SCAPER: variants seen among roughly 807,000 people sequenced by gnomAD.
SCAPER encodes S-phase cyclin A associated protein in the ER, also known as S phase cyclin A-associated protein in the endoplasmic reticulum.
Under a neutral mutation model 182.2 loss-of-function variants are expected in SCAPER, and 98 were observed. That is an observed-to-expected ratio of 0.54 (90% confidence interval 0.46 to 0.64). The LOEUF is 0.64. SCAPER is among the 30% of genes least tolerant of loss of function. The pLI is 0.00. For synonymous variants in SCAPER, 605 were observed against 564.6 expected (o/e 1.07, Z -1.01); for missense variants, 1,432 against 1,690.0 (o/e 0.85, Z 2.68).
At chr15:76,842,764 A>G (rs1296847895) in intron 4 of SCAPER, among the ~76,000 whole-genome samples, 2 of 152,158 alleles carry the variant, frequency 1.3e-5, no homozygotes, top group African/African-American at 2.4e-5. Context: ...AGATTAATAA[A>G]TTGAGGTTCA....
In SCAPER at chr15:76,494,936, G is replaced by A. The variant is rs1038938037; in HGVS notation, c.2954+9923C>T. Among the ~76,000 whole-genome samples the A allele has an allele frequency of 7.2e-5, 11 of 152,014 alleles. No individual in the cohort carries two copies. The South Asian group carries it at 1.5e-3, about 20-fold the overall frequency. Reference sequence around the variant, plus strand: ...GAAGACCAGAATAGGATGCTCAAACGTAGCTCAGCTAAACTGATGATGGAG... The same window carrying A: ...GAAGACCAGAATAGGATGCTCAAACATAGCTCAGCTAAACTGATGATGGAG... On this transcript the variant is annotated intron_variant, in intron 24 of 31. Transcript: ENST00000563290.
chr15:76,390,103 T>C (rs1470332193), intron 27 of SCAPER, among the ~76,000 whole-genome samples: 1 of 152,104 alleles, frequency 6.6e-6, no homozygotes, highest in Non-Finnish European at 1.5e-5. Context: ...ACTACAGGCA[T>C]ATGCTACTAC....
chr15:76,724,285 C>T (rs528415908), intron 17 of SCAPER, among the ~76,000 whole-genome samples: 6 of 152,182 alleles, frequency 3.9e-5, no homozygotes, highest in Non-Finnish European at 7.4e-5. Flanking sequence ...GAGTTTCTGC[C>T]GAGAGATCAG....
chr15:76,795,193 G>T, intron 8 of SCAPER, 87 bp downstream of exon 8: 1 of 1,201,882 alleles, frequency 8.3e-7, no homozygotes. Context: ...TGTACAAAAA[G>T]ATAAATAGGA....
chr15:76,463,221 A>G (rs532814026), intron 25 of SCAPER, among the ~76,000 whole-genome samples: 1 of 152,266 alleles, frequency 6.6e-6, no homozygotes, highest in East Asian at 1.9e-4. Context: ...GAGTACTGTT[A>G]CCTGTAGTGT....
chr15:76,443,923 C>T (rs531576984), intron 25 of SCAPER, among the ~76,000 whole-genome samples: 158 of 152,310 alleles, frequency 1.0e-3, no homozygotes, highest in Non-Finnish European at 1.8e-3. Flanking sequence ...AAAGCAAATG[C>T]GGACCAGTCA....
intron 21 of SCAPER, among the ~76,000 whole-genome samples, chr15:76,644,254 A>C (rs1320108074): frequency 6.6e-6 from 1 of 152,188 alleles, no homozygotes; most frequent in African/African-American, 2.4e-5. Flanking sequence ...GTGAGAATTC[A>C]GCTGTCTTTA....
chr15:76,887,812 G>T (rs2073932140), intron 1 of SCAPER, among the ~76,000 whole-genome samples: 1 of 152,212 alleles, frequency 6.6e-6, no homozygotes, highest in Admixed American at 6.5e-5. Flanking sequence ...GCTTCTCCCA[G>T]CATGGCGTTT....
intron 24 of SCAPER, among the ~76,000 whole-genome samples, chr15:76,476,065 G>A (rs2050602816): frequency 6.6e-6 from 1 of 152,176 alleles, no homozygotes; most frequent in South Asian, 2.1e-4. Flanking sequence ...AAGATTTGGA[G>A]GTTGAATGTG....
intron 23 of SCAPER, among the ~76,000 whole-genome samples, chr15:76,522,157 G>C (rs1209428334): frequency 2.0e-5 from 3 of 152,052 alleles, no homozygotes; most frequent in African/African-American, 7.2e-5. Flanking sequence ...TTTACATGGG[G>C]AATTCTATTC....
At chr15:76,766,526 C>T (rs1337596593) in intron 11 of SCAPER, among the ~76,000 whole-genome samples, 1 of 151,084 alleles carries the variant, frequency 6.6e-6, no homozygotes, top group Non-Finnish European at 1.5e-5. Context: ...TTAATAGAGA[C>T]GGGGTTTTGC....
At chr15:76,451,085 T>C (rs2048340165) in intron 25 of SCAPER, among the ~76,000 whole-genome samples, 1 of 152,250 alleles carries the variant, frequency 6.6e-6, no homozygotes, top group South Asian at 2.1e-4. Context: ...TGACTTTGCA[T>C]TTTCTAGAAT....
At chr15:76,639,289 C>T (rs2053904774) in intron 21 of SCAPER, among the ~76,000 whole-genome samples, 1 of 152,122 alleles carries the variant, frequency 6.6e-6, no homozygotes, top group Non-Finnish European at 1.5e-5. Flanking sequence ...AATGATTGCT[C>T]TCAGGGTCAC....
intron 27 of SCAPER, among the ~76,000 whole-genome samples, chr15:76,394,810 C>G (rs2043940374): frequency 6.6e-6 from 1 of 152,184 alleles, no homozygotes; most frequent in African/African-American, 2.4e-5. Context: ...ATGGGGTTAT[C>G]TGTCTCCTCA....
At chr15:76,830,879 G>A (rs1272355880) in intron 5 of SCAPER, among the ~76,000 whole-genome samples, 2 of 151,940 alleles carry the variant, frequency 1.3e-5, no homozygotes, top group Admixed American at 1.3e-4. Flanking sequence ...GACAGATCCT[G>A]GGGCTGAAGG....
At chr15:76,461,140 A>G (rs898316040) in intron 25 of SCAPER, among the ~76,000 whole-genome samples, 3 of 152,030 alleles carry the variant, frequency 2.0e-5, no homozygotes, top group Admixed American at 6.6e-5. Flanking sequence ...ATGTTTTCTC[A>G]TAATTTGATG....
chr15:76,478,453 T>G lies in SCAPER; in HGVS notation c.2955-7118A>C, dbSNP rs181475690. Among the ~76,000 whole-genome samples the G allele has an allele frequency of 5.4e-3, 822 of 152,222 alleles. 13 individuals carry two copies. The highest frequency in any genetic ancestry group is 0.019 in the African/African-American group (782 of 41,580). On this transcript the variant is annotated intron_variant, in intron 24 of 31. Coordinates refer to ENST00000563290, the MANE Select transcript of SCAPER (RefSeq NM_020843.4). Reference sequence around the variant, plus strand: ...ATTTTTGTAGTTTTCTTTTTCCTGCTTTTCTTTTTGTGCTTTAAAAATTCT... The same window carrying G: ...ATTTTTGTAGTTTTCTTTTTCCTGCGTTTCTTTTTGTGCTTTAAAAATTCT...
intron 22 of SCAPER, among the ~76,000 whole-genome samples, chr15:76,606,116 G>T (rs892180354): frequency 6.6e-5 from 10 of 152,098 alleles, no homozygotes; most frequent in Non-Finnish European, 1.3e-4. Flanking sequence ...TGATGTTAGG[G>T]TGTCAATTTT....
chr15:76,529,353 T>C (rs1246761448), intron 23 of SCAPER, among the ~76,000 whole-genome samples: 1 of 152,234 alleles, frequency 6.6e-6, no homozygotes, highest in Non-Finnish European at 1.5e-5. Flanking sequence ...GCCAGAACTT[T>C]GTATTTAACT....
Sources: gnomAD v4.1 joint callset for allele counts (sites outside exome capture counted in the v4.1 genomes callset) on GRCh38, gnomAD v4.1.1 for gene constraint, MANE v1.5 for transcripts, NCBI Gene and HGNC (gene_info 2026-07-23, HGNC 2026-07-21) for gene names.